The following ZNF595 variants were observed in gnomAD, a reference collection of about 807,000 sequenced individuals.
The protein encoded by ZNF595 is zinc finger protein 595.
Under a neutral mutation model 19.4 loss-of-function variants are expected in ZNF595, and 9 were observed. That is an observed-to-expected ratio of 0.46 (90% CI 0.28 to 0.81). The LOEUF is 0.81. Among genes scored for constraint, ZNF595 ranks in the 30% least tolerant of loss-of-function variants. The pLI is 0.11. For synonymous variants in ZNF595, 255 were observed against 255.9 expected, an observed-to-expected ratio of 1.00 and a Z score of 0.03; for missense variants, 729 against 736.0, an observed-to-expected ratio of 0.99 and a Z score of 0.11.
intron 3 of ZNF595, among the ~76,000 whole-genome samples, chr4:70,269 G>C (rs1553797692): frequency 6.6e-6 from 1 of 151,876 alleles, no homozygotes; most frequent in East Asian, 1.9e-4. Context: ...TATATGGCCA[G>C]AGATAGGGGT....
chr4:80,050 T>G (rs1034517861), intron 3 of ZNF595, among the ~76,000 whole-genome samples: 1 of 152,146 alleles, frequency 6.6e-6, no homozygotes, highest in Non-Finnish European at 1.5e-5. Flanking sequence ...GAGACGAAGT[T>G]TCACTCTTGT....
At chr4:82,727 T>C (rs1191426459) in intron 3 of ZNF595, among the ~76,000 whole-genome samples, 3 of 152,092 alleles carry the variant, frequency 2.0e-5, no homozygotes, top group African/African-American at 4.8e-5. Context: ...TCCAGTTTGG[T>C]CATTAAAAGT....
chr4:69,630 T>G (rs576714716), intron 3 of ZNF595, among the ~76,000 whole-genome samples: 1 of 152,334 alleles, frequency 6.6e-6, no homozygotes, highest in Admixed American at 6.5e-5. Flanking sequence ...CCTTACGTAT[T>G]CTGGTTGTTC....
At chr4:61,101 A>C (rs1937664096) in intron 3 of ZNF595, among the ~76,000 whole-genome samples, 1 of 152,412 alleles carries the variant, frequency 6.6e-6, no homozygotes, top group South Asian at 2.1e-4. Context: ...CACTCAAAGG[A>C]TTGGATACCA....
chr4:79,878 A>G (rs782156819), intron 3 of ZNF595, among the ~76,000 whole-genome samples: 5 of 151,256 alleles, frequency 3.3e-5, no homozygotes, highest in South Asian at 2.1e-4. Flanking sequence ...ATGTTTTTCA[A>G]ATTTTCATGT....
At chr4:72,978 G>A (rs1373650877) in intron 3 of ZNF595, among the ~76,000 whole-genome samples, 1 of 152,154 alleles carries the variant, frequency 6.6e-6, no homozygotes, top group Non-Finnish European at 1.5e-5. Flanking sequence ...ACACTGAGAA[G>A]GTACAGAACT....
chr4:83,978 T>TTAC (rs1241563688), intron 3 of ZNF595, among the ~76,000 whole-genome samples: 1 of 152,162 alleles, frequency 6.6e-6, no homozygotes, highest in African/African-American at 2.4e-5. Context: ...TGATAGATTT[T>TTAC]TACTTATTTT....
At chr4:68,422 T>C (rs1197815185) in intron 3 of ZNF595, 3 of 152,214 alleles carry the variant, frequency 2.0e-5, no homozygotes, top group African/African-American at 7.2e-5. Context: ...TGGGCATATC[T>C]AATAAGCTTT....
At chr4:57,733 T>G (rs1581314890) in intron 1 of ZNF595, among the ~76,000 whole-genome samples, 2 of 152,104 alleles carry the variant, frequency 1.3e-5, no homozygotes, top group African/African-American at 4.8e-5. Context: ...TATTGTTTTG[T>G]GAGTTTTGAT....
intron 3 of ZNF595, among the ~76,000 whole-genome samples, chr4:69,164 A>G (rs1207747363): frequency 6.6e-6 from 1 of 152,218 alleles, no homozygotes; most frequent in Non-Finnish European, 1.5e-5. Flanking sequence ...GTTGATAGAC[A>G]CTTAGATTGC....
intron 3 of ZNF595, among the ~76,000 whole-genome samples, chr4:85,502 T>C (rs1714093345): frequency 6.6e-6 from 1 of 152,230 alleles, no homozygotes; most frequent in Admixed American, 6.5e-5. Flanking sequence ...TGGTTCTTAG[T>C]ATTGTACTTA....
intron 3 of ZNF595, among the ~76,000 whole-genome samples, chr4:82,214 A>G (rs76883879): frequency 4.3e-4 from 66 of 152,080 alleles, no homozygotes; most frequent in African/African-American, 8.4e-4. Context: ...TGCTATTTCT[A>G]TTTCTGCAAA....
At chr4:68,702 A>G (rs2108753612) in intron 3 of ZNF595, among the ~76,000 whole-genome samples, 1 of 152,372 alleles carries the variant, frequency 6.6e-6, no homozygotes, top group South Asian at 2.1e-4. Context: ...ATGCACAAAA[A>G]TAACATCATA....
rs782388615 is a variant in ZNF595, at chr4:86,295, C to G, written c.791C>G (p.Ala264Gly). Residue 264 changes from alanine to glycine, a missense_variant, in exon 4 of 4, where the codon GCC becomes GGC. Physicochemically the swap from Ala to Gly is moderately conservative, Grantham distance 60. Around this residue, in one of 2 missense-constraint regions of ZNF595, gnomAD observed 729 missense variants for 675.3 expected, o/e 1.08. Coordinates refer to ENST00000610261, the MANE Select transcript of ZNF595 (RefSeq NM_182524.4). Reference sequence around the variant, plus strand: ...TACAAATGTGAAGAATGTGGCAAAGCCTTTACAAGGTCCACAACACTGAAT... The same window carrying G: ...TACAAATGTGAAGAATGTGGCAAAGGCTTTACAAGGTCCACAACACTGAAT... ...KPYKCEECGKAFTRSTTLNEH... is the reference protein window; with the variant it reads ...KPYKCEECGKGFTRSTTLNEH... 2.4e-5 allele frequency: 39 copies of G among 1,611,524 alleles called. No homozygotes were observed. The South Asian group carries it at 3.4e-4, about 14-fold the overall frequency.
chr4:80,369 A>G lies in ZNF595; in HGVS notation c.227-5362A>G, dbSNP rs149066198. Among the ~76,000 whole-genome samples the G allele has an allele frequency of 1.3e-4, 20 of 152,348 alleles. No individual in the cohort carries two copies. In the East Asian group the frequency reaches 3.7e-3, roughly 28 times the overall value. Reference sequence around the variant, plus strand: ...ACTCAACAAATTAGATATAGATGGTATATACCTCAACACAATAAAGGCCAT... The same window carrying G: ...ACTCAACAAATTAGATATAGATGGTGTATACCTCAACACAATAAAGGCCAT... On this transcript the variant is annotated intron_variant, in intron 3 of 3. Coordinates refer to ENST00000610261, the MANE Select transcript of ZNF595 (RefSeq NM_182524.4).
chr4:82,759 A>G (rs1219386752), intron 3 of ZNF595, among the ~76,000 whole-genome samples: 1 of 152,100 alleles, frequency 6.6e-6, no homozygotes, highest in African/African-American at 2.4e-5. Flanking sequence ...TTCCTATTTT[A>G]AAAAATTTGT....
intron 3 of ZNF595, among the ~76,000 whole-genome samples, chr4:75,409 A>G (rs1713614236): frequency 6.6e-6 from 1 of 152,184 alleles, no homozygotes; most frequent in African/African-American, 2.4e-5. Flanking sequence ...TCACTTTTAT[A>G]ATAGACCCAC....
At chr4:83,483 G>A (rs904383179) in intron 3 of ZNF595, among the ~76,000 whole-genome samples, 3 of 151,778 alleles carry the variant, frequency 2.0e-5, no homozygotes, top group Admixed American at 6.6e-5. Flanking sequence ...AGCCGGGCGT[G>A]GTGGCGGGTA....
At chr4:79,295 A>G (rs1039343032) in intron 3 of ZNF595, among the ~76,000 whole-genome samples, 2 of 152,184 alleles carry the variant, frequency 1.3e-5, no homozygotes, top group East Asian at 3.8e-4. Context: ...AAATGAAATA[A>G]TATGTAATTG....
Sources: allele counts gnomAD v4.1 joint callset (sites outside exome capture counted in the v4.1 genomes callset), GRCh38; gene constraint gnomAD v4.1.1; regional missense constraint gnomAD v4.1.1; transcripts MANE v1.5; gene names NCBI Gene and HGNC (gene_info 2026-07-23, HGNC 2026-07-21).